Variants in PPP6C observed in about 807,000 individuals in gnomAD.
PPP6C encodes serine/threonine-protein phosphatase 6 catalytic subunit.
PPP6C carries 11 observed loss-of-function variants against 39.8 expected under a neutral mutation model. That is an observed-to-expected ratio of 0.28 (90% CI 0.17 to 0.46). PPP6C has a LOEUF of 0.46. Ranked by LOEUF, PPP6C falls within the 20% of genes least tolerant of loss-of-function variation. PPP6C has a pLI of 1.00. For missense variants in PPP6C, 211 were observed against 373.9 expected (o/e 0.56, Z 3.59); for synonymous variants, 129 against 130.3 (o/e 0.99, Z 0.07).
At chr9:125,188,951 A>T in intron 1 of PPP6C, 4 of 1,547,892 alleles carry the variant, frequency 2.6e-6, no homozygotes, top group Non-Finnish European at 2.6e-6. Flanking sequence ...TGAAATACTG[A>T]GTTAAGAAGG....
Position 125,189,744 on chromosome 9 carries a change from A to AGCGGCG in PPP6C, c.-32_-27dup, listed in dbSNP as rs753427502. The AGCGGCG allele has an allele frequency of 5.1e-6, 8 of 1,559,522 alleles. No homozygotes were observed. The highest frequency in any genetic ancestry group is 1.7e-4 in the Middle Eastern group (1 of 5,738). ...TTTAAGAATAACAAGCCGCGGCAAC[A>AGCGGCG]GCGGCGGCGGCGGCTGTAGCAGCGG... On this transcript the variant is annotated 5_prime_UTR_variant, in exon 1 of 7. Transcript: ENST00000373547.
intron 1 of PPP6C, among the ~76,000 whole-genome samples, chr9:125,182,787 A>C (rs10986616): frequency 0.014 from 2,148 of 148,790 alleles, 102 homozygotes; most frequent in Admixed American, 0.081. Flanking sequence ...CCCTCCCCTG[A>C]CCCAGCTGTG....
At chr9:125,189,590 C>A in intron 1 of PPP6C, 54 bp downstream of exon 1, 1 of 1,608,592 alleles carries the variant, frequency 6.2e-7, no homozygotes. Flanking sequence ...AAAGGAAGGG[C>A]CGGCCGGCGG....
At chr9:125,164,447 T>C (rs142944420) in intron 2 of PPP6C, among the ~76,000 whole-genome samples, 170 of 151,460 alleles carry the variant, frequency 1.1e-3, no homozygotes, top group African/African-American at 3.8e-3. Context: ...AGGTTGGTCT[T>C]AAACCCCTCA....
chr9:125,189,651 T>C lies in PPP6C; in HGVS notation c.68A>G (p.Asp23Gly). The C allele has an allele frequency of 6.2e-7, 1 of 1,612,892 alleles. No individual in the cohort carries two copies. Among genetic ancestry groups the C allele is most frequent in the Non-Finnish European group, 8.5e-7 (1 of 1,179,606 alleles). ...ARLCKYLPEN[D>G]LKRLCDYVCD... is the part of the protein sequence containing the mutation. ...CCCGCAAATAGGGCTCACCTTCAGG[T>C]CGTTCTCTGGCAGGTACTTGCACAG... The change falls in exon 1 of 7, where the codon GAC becomes GGC. Residue 23 changes from aspartate to glycine, a missense_variant. Around this residue, in one of 2 missense-constraint regions of PPP6C, gnomAD observed 43 missense variants for 31.3 expected, o/e 1.38. Coordinates refer to ENST00000373547, the MANE Select transcript of PPP6C (RefSeq NM_002721.5).
chr9:125,167,389 A>AAAAAAAAAAAAAAAAAAAAAG (rs1554722081), intron 2 of PPP6C, among the ~76,000 whole-genome samples: 20 of 138,152 alleles, frequency 1.4e-4, no homozygotes, highest in African/African-American at 5.2e-4. Context: ...CAAAAAAAAA[A>AAAAAAAAAAAAAAAAAAAAAG]AAAAAAAAAA....
intron 2 of PPP6C, among the ~76,000 whole-genome samples, chr9:125,166,153 G>A (rs1035201775): frequency 2.2e-4 from 33 of 151,976 alleles, no homozygotes; most frequent in African/African-American, 7.7e-4. Context: ...TTGAGTAAAT[G>A]GTAAACTAGT....
intron 2 of PPP6C, among the ~76,000 whole-genome samples, chr9:125,166,532 T>C (rs1340924157): frequency 7.8e-6 from 1 of 127,754 alleles, no homozygotes; most frequent in Admixed American, 7.9e-5. Context: ...TATTTTTCTT[T>C]TTCTTTTTTT....
intron 4 of PPP6C, among the ~76,000 whole-genome samples, chr9:125,157,158 G>T (rs913438660): frequency 8.0e-6 from 1 of 124,566 alleles, no homozygotes; most frequent in Non-Finnish European, 1.6e-5. Context: ...GCTAATTTTT[G>T]TATTTTTAGT....
chr9:125,156,776 T>TCTCTCTC (rs1564147428), intron 4 of PPP6C, among the ~76,000 whole-genome samples: 2 of 150,456 alleles, frequency 1.3e-5, no homozygotes, highest in East Asian at 2.0e-4. Context: ...TCTCTCTCTC[T>TCTCTCTC]TTCAACCAAA....
rs1343782799 is a variant in PPP6C at position 125,147,634 on chromosome 9, C to T, written c.*2039G>A. 1 of 152,110 alleles carries T rather than the reference C, an allele frequency of 6.6e-6. No homozygotes were observed. Among genetic ancestry groups the T allele is most frequent in the Non-Finnish European group, 1.5e-5 (1 of 68,016 alleles). 9.4% of individuals were successfully genotyped at this position (152,110 alleles called of 1,614,324 possible). A position where few individuals can be genotyped will look rare whatever the true frequency, so the allele number is the denominator to read the frequency against. ...TTATTGGCACGTGCCCAACTAGTGA[C>T]AAACAAATGCAGTACACAATGACTT... On this transcript the variant is annotated 3_prime_UTR_variant, in exon 7 of 7. Transcript: ENST00000373547.
intron 6 of PPP6C, chr9:125,151,637 C>A: frequency 1.6e-6 from 1 of 633,040 alleles, no homozygotes; most frequent in Non-Finnish European, 2.8e-6. Context: ...CACCCCACCC[C>A]TTGTTTTCCC....
intron 2 of PPP6C, among the ~76,000 whole-genome samples, chr9:125,169,039 G>A (rs1483003531): frequency 6.6e-6 from 1 of 152,190 alleles, no homozygotes; most frequent in Non-Finnish European, 1.5e-5. Context: ...GATTACAGGC[G>A]TGAGCCACTG....
In PPP6C at chr9:125,158,230, G is replaced by C. The variant is rs747320834; in HGVS notation, c.379+11C>G. 2 of 1,588,820 alleles carry C rather than the reference G, an allele frequency of 1.3e-6. No individual in the cohort carries two copies. The highest frequency in any genetic ancestry group is 1.7e-6 in the Non-Finnish European group (2 of 1,162,204). On this transcript the variant is annotated intron_variant, in intron 4 of 6. Transcript: ENST00000373547. ...AATAATATTCAGAATCAGAGAAATA[G>C]GAATTCTTACCATAAAATCCATAGA...
intron 6 of PPP6C, chr9:125,151,584 C>A: frequency 1.3e-6 from 1 of 777,198 alleles, no homozygotes; most frequent in Non-Finnish European, 2.3e-6. Flanking sequence ...AGTCATGTCC[C>A]TTTATAATAC....
chr9:125,181,513 T>C (rs1829421367), intron 1 of PPP6C, among the ~76,000 whole-genome samples: 1 of 151,998 alleles, frequency 6.6e-6, no homozygotes. Flanking sequence ...GGCCCCAGCA[T>C]GTGATGTTCC....
intron 1 of PPP6C, among the ~76,000 whole-genome samples, chr9:125,175,789 A>G (rs1488227336): frequency 6.6e-6 from 1 of 152,184 alleles, no homozygotes; most frequent in East Asian, 1.9e-4. Context: ...TTAGTTGTTC[A>G]ATGCAACAAA....
intron 2 of PPP6C, among the ~76,000 whole-genome samples, chr9:125,165,107 T>C (rs1588282755): frequency 6.6e-6 from 1 of 152,314 alleles, no homozygotes; most frequent in East Asian, 1.9e-4. Context: ...TCAAACTTTT[T>C]GGTTTCAGGA....
At chr9:125,154,768 T>C (rs1323378990) in intron 4 of PPP6C, among the ~76,000 whole-genome samples, 1 of 152,232 alleles carries the variant, frequency 6.6e-6, no homozygotes, top group Non-Finnish European at 1.5e-5. Flanking sequence ...CAGGGCTAAG[T>C]TGTCTCTTCT....
Sources: gnomAD v4.1 joint callset for allele counts (sites outside exome capture counted in the v4.1 genomes callset) on GRCh38, gnomAD v4.1.1 for gene constraint, gnomAD v4.1.1 regional missense constraint, MANE v1.5 for transcripts, NCBI Gene and HGNC (gene_info 2026-07-23, HGNC 2026-07-21) for gene names.